Variants in NEK10 observed in about 807,000 individuals in gnomAD.
NEK10 encodes NIMA related kinase 10.
A neutral mutation model predicts 159.8 loss-of-function variants in NEK10; 122 were observed. The observed-to-expected ratio is 0.76, with a 90% CI of 0.66 to 0.89. The LOEUF (loss-of-function observed/expected upper bound fraction) is 0.89, where lower values mean the gene tolerates loss of function less well. NEK10 is among the 40% of genes least tolerant of loss of function. NEK10 has a pLI of 0.00. For synonymous variants in NEK10, 466 were observed against 457.1 expected (o/e 1.02, Z -0.25); for missense variants, 1,342 against 1,323.1 (o/e 1.01, Z -0.22).
chr3:27,234,132 G>C lies in NEK10; in HGVS notation c.2090+22164C>G, dbSNP rs528390235. 1.8e-3 allele frequency among the ~76,000 whole-genome samples: 270 copies of C among 152,074 alleles called. 2 individuals are homozygous for C. In the South Asian group the frequency reaches 0.022, roughly 12 times the overall value. On this transcript the variant is annotated intron_variant, in intron 23 of 35. Transcript: ENST00000691995. Reference sequence around the variant, plus strand: ...GAAGAAACACACCTCAAAATAGTAAGAGCCATATATGACAAACCCACTTCC... The same window carrying C: ...GAAGAAACACACCTCAAAATAGTAACAGCCATATATGACAAACCCACTTCC...
intron 5 of NEK10, among the ~76,000 whole-genome samples, chr3:27,329,105 G>T (rs919362921): frequency 3.9e-5 from 6 of 152,130 alleles, no homozygotes; most frequent in African/African-American, 1.4e-4. Context: ...CTGTTCTTGT[G>T]ATAGTGAATG....
chr3:27,143,422 A>C (rs1185244920), intron 30 of NEK10: 1 of 751,350 alleles, frequency 1.3e-6, no homozygotes, highest in Non-Finnish European at 2.4e-6. Flanking sequence ...TTTGAATGGG[A>C]TATCACATAG....
intron 33 of NEK10, among the ~76,000 whole-genome samples, chr3:27,118,650 G>A (rs1019931726): frequency 6.6e-6 from 1 of 151,448 alleles, no homozygotes; most frequent in African/African-American, 2.5e-5. Flanking sequence ...TCAGGTTTTT[G>A]AGAGATTTTT....
At chr3:27,204,850 G>C (rs1240780457) in intron 23 of NEK10, among the ~76,000 whole-genome samples, 100 of 140,742 alleles carry the variant, frequency 7.1e-4, no homozygotes, top group African/African-American at 2.1e-3. Context: ...GGGTCAAATG[G>C]TATTTCTAGT....
At chr3:27,142,408 T>C (rs1204121932) in intron 30 of NEK10, among the ~76,000 whole-genome samples, 1 of 152,088 alleles carries the variant, frequency 6.6e-6, no homozygotes, top group East Asian at 1.9e-4. Flanking sequence ...GTGATGTGCA[T>C]TATCTTCCTT....
intron 17 of NEK10, 40 bp from the exon 18 acceptor site, chr3:27,291,430 A>G (rs2042986544): frequency 1.2e-6 from 2 of 1,608,030 alleles, no homozygotes; most frequent in Admixed American, 1.7e-5. Flanking sequence ...TCTGTGATAA[A>G]TTACATCCTG....
At chr3:27,119,433 G>GCT (rs1355337905) in intron 33 of NEK10, among the ~76,000 whole-genome samples, 1 of 152,040 alleles carries the variant, frequency 6.6e-6, no homozygotes, top group Non-Finnish European at 1.5e-5. Context: ...CCTTATTTCT[G>GCT]CTCTTTATCT....
intron 1 of NEK10, among the ~76,000 whole-genome samples, chr3:27,356,474 C>A (rs1047302591): frequency 6.6e-6 from 1 of 152,126 alleles, no homozygotes; most frequent in African/African-American, 2.4e-5. Flanking sequence ...GGTGTTACTG[C>A]GTTCCAGCCT....
chr3:27,186,538 G>T (rs1282422194), intron 26 of NEK10, among the ~76,000 whole-genome samples: 1 of 152,108 alleles, frequency 6.6e-6, no homozygotes, highest in Non-Finnish European at 1.5e-5. Flanking sequence ...GATTAGAGTT[G>T]GGCTGTTGAT....
chr3:27,183,362 A>G (rs1255340241), intron 26 of NEK10, among the ~76,000 whole-genome samples: 9 of 151,300 alleles, frequency 5.9e-5, no homozygotes, highest in Non-Finnish European at 1.5e-5. Context: ...ACATTTAAAG[A>G]AGTGATGCTG....
At chr3:27,162,618 G>A (rs557976986) in intron 30 of NEK10, 83 bp downstream of exon 30, 1 of 1,613,984 alleles carries the variant, frequency 6.2e-7, no homozygotes. Flanking sequence ...AAATAAAAGG[G>A]GGAAAGATAT....
At chr3:27,138,953 T>C (rs1442229002) in intron 31 of NEK10, among the ~76,000 whole-genome samples, 1 of 152,182 alleles carries the variant, frequency 6.6e-6, no homozygotes, top group Non-Finnish European at 1.5e-5. Flanking sequence ...TTGGAGCACT[T>C]ACAGAAAGAA....
At chr3:27,136,628 A>C (rs1198324969) in intron 31 of NEK10, among the ~76,000 whole-genome samples, 1 of 152,178 alleles carries the variant, frequency 6.6e-6, no homozygotes, top group Non-Finnish European at 1.5e-5. Context: ...CCAGCAATAG[A>C]AGTAAACCAC....
Position 27,220,273 on chromosome 3 carries a change from C to G in NEK10, c.2091-17716G>C, listed in dbSNP as rs549164071. ...TCAAGGTTTTGGTAGGGCTGCATTT[C>G]TTTCTGAAGGTTCTGGGAGAGAATC... is the stretch of plus-strand genomic sequence containing the variant. On this transcript the variant is annotated intron_variant, in intron 23 of 35. Transcript: ENST00000691995. Among the ~76,000 whole-genome samples the G allele has an allele frequency of 3.9e-5, 6 of 152,266 alleles. No homozygotes were observed. In the South Asian group the frequency reaches 1.0e-3, roughly 26 times the overall value.
intron 6 of NEK10, 24 bp downstream of exon 6, chr3:27,322,153 A>AG: frequency 7.6e-7 from 1 of 1,321,904 alleles, no homozygotes; most frequent in South Asian, 1.3e-5. Flanking sequence ...AAGTAAAAAA[A>AG]AAAATTGTAT....
Position 27,156,929 on chromosome 3 carries a change from GATATATATATATATATATATATATATAT to G in NEK10, c.2869+5744_2869+5771del, listed in dbSNP as rs4016654. On this transcript the variant is annotated intron_variant, in intron 30 of 35. Transcript: ENST00000691995. ...CAATCAAGGAGTGCATAAAGAAACTGATATATATATATATATATATATATATATATATATATATATATATATATATGAT... is the reference window on the plus strand; with the variant it reads ...CAATCAAGGAGTGCATAAAGAAACTGATATATATATATATATATATATGAT... Among the ~76,000 whole-genome samples the G allele has an allele frequency of 8.5e-4, 24 of 28,340 alleles. 1 individual carries two copies. The South Asian group carries it at 0.014, about 16-fold the overall frequency. 18.6% of individuals were successfully genotyped at this position (28,340 alleles called of 152,430 possible). A position where few individuals can be genotyped will look rare whatever the true frequency, so the allele number is the denominator to read the frequency against.
At chr3:27,324,082 A>G (rs2045844872) in intron 5 of NEK10, among the ~76,000 whole-genome samples, 1 of 152,168 alleles carries the variant, frequency 6.6e-6, no homozygotes, top group African/African-American at 2.4e-5. Context: ...GTTAGCTTAG[A>G]AGTAGGAAGT....
At chr3:27,201,225 ATATTTG>A (rs757925268) in intron 25 of NEK10, among the ~76,000 whole-genome samples, 5 of 152,122 alleles carry the variant, frequency 3.3e-5, no homozygotes, top group Non-Finnish European at 7.3e-5. Context: ...GCTTTACATC[ATATTTG>A]TCTTACCCAC....
At chr3:27,236,976 G>A (rs912432772) in intron 23 of NEK10, among the ~76,000 whole-genome samples, 15 of 151,994 alleles carry the variant, frequency 9.9e-5, no homozygotes, top group Admixed American at 3.3e-4. Context: ...TATCTCAACC[G>A]CATAAGACAG....
Sources: allele counts gnomAD v4.1 joint callset (sites outside exome capture counted in the v4.1 genomes callset), GRCh38; gene constraint gnomAD v4.1.1; transcripts MANE v1.5; gene names NCBI Gene and HGNC (gene_info 2026-07-23, HGNC 2026-07-21).